CTDP1: variants seen among roughly 807,000 people sequenced by gnomAD.
CTDP1 encodes RNA polymerase II subunit A C-terminal domain phosphatase.
A neutral mutation model predicts 91.8 loss-of-function variants in CTDP1; 47 were observed. The observed-to-expected ratio is 0.51, with a 90% confidence interval of 0.41 to 0.65. CTDP1 has a LOEUF of 0.65. Ranked by LOEUF, CTDP1 falls within the 30% of genes least tolerant of loss-of-function variation. The pLI is 0.00. For synonymous variants in CTDP1, 656 were observed against 598.5 expected, an observed-to-expected ratio of 1.10 and a Z score of -1.40; for missense variants, 1,272 against 1,373.7, an observed-to-expected ratio of 0.93 and a Z score of 1.17.
chr18:79,710,451 G>A lies in CTDP1; in HGVS notation c.863+15G>A, dbSNP rs62097743. 0.055 allele frequency: 86,428 copies of A among 1,573,512 alleles called. 2,969 individuals carry two copies. Among genetic ancestry groups the A allele is most frequent in the Non-Finnish European group, 0.064 (73,090 of 1,143,284 alleles). On this transcript the variant is annotated intron_variant, in intron 6 of 12. Coordinates refer to ENST00000613122, the MANE Select transcript of CTDP1 (RefSeq NM_004715.5). ...GGAAACCTTAGGTATGTACCCAGCC[G>A]CGCTCCTCACAAAGACCTCGCTGTT...
At chr18:79,741,062 C>A (rs1204907391) in intron 12 of CTDP1, among the ~76,000 whole-genome samples, 1 of 148,636 alleles carries the variant, frequency 6.7e-6, no homozygotes, top group Non-Finnish European at 1.5e-5. Context: ...TGAGGTCCCC[C>A]GTACGGTTGA....
chr18:79,688,348 T>C (rs1294481937), intron 1 of CTDP1, among the ~76,000 whole-genome samples: 1 of 152,264 alleles, frequency 6.6e-6, no homozygotes, highest in Non-Finnish European at 1.5e-5. Context: ...CACTGCAACC[T>C]CCACCTCCTG....
In CTDP1 at chr18:79,728,644, G is replaced by C. The variant is rs184215795; in HGVS notation, c.2418-263G>C. On this transcript the variant is annotated intron_variant, in intron 10 of 12. Coordinates refer to ENST00000613122, the MANE Select transcript of CTDP1 (RefSeq NM_004715.5). The stretch of plus-strand genomic sequence containing the variant: ...TGGCAGATGCTCTCTGCCCCACGGG[G>C]GTTTTGTGGATAAAAGAAGATGGGT... Among the ~76,000 whole-genome samples the C allele has an allele frequency of 5.0e-3, 429 of 85,172 alleles. 1 individual carries two copies. The highest frequency in any genetic ancestry group is 0.012 in the African/African-American group (419 of 35,870). The allele number at this position is 85,172 out of a possible 152,430, so 55.9% of individuals were successfully genotyped here. A position where few individuals can be genotyped will look rare whatever the true frequency, so the allele number is the denominator to read the frequency against.
chr18:79,688,829 C>T (rs1423365111), intron 1 of CTDP1, among the ~76,000 whole-genome samples: 2 of 152,248 alleles, frequency 1.3e-5, no homozygotes, highest in Admixed American at 6.5e-5. Flanking sequence ...CGTGAGCCAC[C>T]ACACCCAGCC....
upstream of CTDP1, chr18:79,679,021 C>T (rs1348768129): frequency 4.4e-6 from 1 of 227,388 alleles, no homozygotes; most frequent in East Asian, 1.5e-4. Context: ...TCCAGACAAA[C>T]GTAGAAAGTG....
chr18:79,726,731 G>T (rs1402962551), intron 10 of CTDP1, among the ~76,000 whole-genome samples: 1 of 146,502 alleles, frequency 6.8e-6, no homozygotes, highest in Non-Finnish European at 1.5e-5. Flanking sequence ...AGGTGACGAG[G>T]CCATTGCTGG....
intron 8 of CTDP1, among the ~76,000 whole-genome samples, chr18:79,716,698 C>T (rs1031284398): frequency 2.6e-5 from 4 of 152,232 alleles, no homozygotes; most frequent in African/African-American, 9.6e-5. Flanking sequence ...CTCAGGTGCC[C>T]GCCTGCCCTG....
At chr18:79,754,795 A>G (rs1182145285), downstream of CTDP1, 1 of 152,262 alleles carries the variant, frequency 6.6e-6, no homozygotes, top group East Asian at 1.9e-4. Context: ...CCCGAGAGCT[A>G]CAGGTAGGTG....
intron 12 of CTDP1, among the ~76,000 whole-genome samples, chr18:79,748,886 CTG>C (rs1038147489): frequency 1.3e-5 from 2 of 151,380 alleles, no homozygotes; most frequent in African/African-American, 4.8e-5. Flanking sequence ...TTTGCCGTGT[CTG>C]TGTGTTTGCC....
At chr18:79,709,422 C>T (rs1449174142) in intron 5 of CTDP1, among the ~76,000 whole-genome samples, 1 of 152,224 alleles carries the variant, frequency 6.6e-6, no homozygotes, top group Non-Finnish European at 1.5e-5. Flanking sequence ...CCCAAGAAAC[C>T]TCTGCCTGAT....
intron 8 of CTDP1, among the ~76,000 whole-genome samples, chr18:79,717,324 G>A (rs925403739): frequency 1.3e-5 from 2 of 150,694 alleles, no homozygotes; most frequent in Admixed American, 6.6e-5. Context: ...GGGTGCAGCC[G>A]GGTGAGGGCC....
At chr18:79,686,784 G>C (rs1326153900) in intron 1 of CTDP1, among the ~76,000 whole-genome samples, 1 of 152,074 alleles carries the variant, frequency 6.6e-6, no homozygotes, top group Non-Finnish European at 1.5e-5. Flanking sequence ...CAGTTCACTG[G>C]TGGGCCTGCA....
At chr18:79,730,336 G>A (rs1321144462) in intron 11 of CTDP1, among the ~76,000 whole-genome samples, 1 of 152,176 alleles carries the variant, frequency 6.6e-6, no homozygotes, top group African/African-American at 2.4e-5. Context: ...AGGGAGGGAC[G>A]CTGCCTCTTC....
intron 11 of CTDP1, among the ~76,000 whole-genome samples, chr18:79,732,152 A>C (rs1222956960): frequency 1.5e-4 from 21 of 143,022 alleles, no homozygotes; most frequent in East Asian, 6.5e-4. Flanking sequence ...CATAAGAACT[A>C]ACATCAGGAG....
chr18:79,687,677 G>A (rs925447378), intron 1 of CTDP1, among the ~76,000 whole-genome samples: 18 of 151,648 alleles, frequency 1.2e-4, no homozygotes, highest in Admixed American at 3.3e-4. Flanking sequence ...GGCCTGCACC[G>A]CAGCAGTTGA....
intron 10 of CTDP1, among the ~76,000 whole-genome samples, chr18:79,724,779 G>A (rs1228690207): frequency 6.6e-6 from 1 of 152,222 alleles, no homozygotes; most frequent in Non-Finnish European, 1.5e-5. Context: ...TTTTCTTGAT[G>A]TTTTATCCTA....
chr18:79,733,281 G>A (rs975832083), intron 11 of CTDP1, among the ~76,000 whole-genome samples: 8 of 152,148 alleles, frequency 5.3e-5, no homozygotes, highest in African/African-American at 1.9e-4. Context: ...GGCACAGGAC[G>A]GGTGTGCGTT....
At chr18:79,716,943 T>C (rs1172032567) in intron 8 of CTDP1, among the ~76,000 whole-genome samples, 1 of 152,266 alleles carries the variant, frequency 6.6e-6, no homozygotes. Context: ...GATGGGAACC[T>C]GCAGTGGGCA....
chr18:79,681,530 G>T, intron 1 of CTDP1: 7 of 975,794 alleles, frequency 7.2e-6, no homozygotes, highest in Non-Finnish European at 8.5e-6. Flanking sequence ...GAGTAACTTG[G>T]TTATGTGGCA....
Sources: allele counts gnomAD v4.1 joint callset (sites outside exome capture counted in the v4.1 genomes callset), GRCh38; gene constraint gnomAD v4.1.1; transcripts MANE v1.5; gene names NCBI Gene and HGNC (gene_info 2026-07-23, HGNC 2026-07-21).